Variants in MYO1D observed in about 807,000 individuals in gnomAD.
MYO1D encodes the protein myosin ID.
MYO1D carries 83 observed loss-of-function variants against 122.0 expected under a neutral mutation model. That is an observed-to-expected ratio of 0.68 (90% CI 0.57 to 0.82). The LOEUF is 0.82. Among genes scored for constraint, MYO1D ranks in the 40% least tolerant of loss-of-function variants. MYO1D has a pLI of 0.00. For missense variants in MYO1D, 1,157 were observed against 1,269.5 expected, an observed-to-expected ratio of 0.91 and a Z score of 1.35; for synonymous variants, 464 against 446.9, an observed-to-expected ratio of 1.04 and a Z score of -0.48.
At chr17:32,612,696 C>CAAAAAAAAAAAAAAAAAAAAAA (rs1158470135) in intron 20 of MYO1D, among the ~76,000 whole-genome samples, 3 of 104,566 alleles carry the variant, frequency 2.9e-5, no homozygotes, top group Non-Finnish European at 5.6e-5. Context: ...AAAAAAAAAA[C>CAAAAAAAAAAAAAAAAAAAAAA]AAAAAAAAAA....
intron 16 of MYO1D, among the ~76,000 whole-genome samples, chr17:32,687,537 C>A (rs1464483851): frequency 6.6e-6 from 1 of 152,022 alleles, no homozygotes; most frequent in Non-Finnish European, 1.5e-5. Flanking sequence ...GAGACAGGAT[C>A]TCACCATGTT....
chr17:32,523,590 C>G (rs1281382676), intron 21 of MYO1D, among the ~76,000 whole-genome samples: 1 of 152,060 alleles, frequency 6.6e-6, no homozygotes, highest in African/African-American at 2.4e-5. Context: ...GCCCGAGGAG[C>G]TTTACAATCG....
chr17:32,804,669 C>T (rs2090493998), intron 1 of MYO1D, among the ~76,000 whole-genome samples: 1 of 152,066 alleles, frequency 6.6e-6, no homozygotes, highest in African/African-American at 2.4e-5. Context: ...ATTTTAAATG[C>T]TTCTACATTT....
Position 32,759,088 on chromosome 17 carries a change from T to C in MYO1D, c.1296+1202A>G, listed in dbSNP as rs146689421. Among the ~76,000 whole-genome samples, 253 of 152,288 alleles carry C rather than the reference T, an allele frequency of 1.7e-3. 1 individual carries two copies. Among genetic ancestry groups the C allele is most frequent in the African/African-American group, 5.8e-3 (242 of 41,576 alleles). On this transcript the variant is annotated intron_variant, in intron 10 of 21. Coordinates refer to ENST00000318217, the MANE Select transcript of MYO1D (RefSeq NM_015194.3). ...TTCAGTTATACCGTGTATTATATTATACAACAGTTTCATTCTTAGAAAGCT... is the reference window on the plus strand; with the variant it reads ...TTCAGTTATACCGTGTATTATATTACACAACAGTTTCATTCTTAGAAAGCT...
chr17:32,567,956 G>T (rs113917608), intron 21 of MYO1D, among the ~76,000 whole-genome samples: 5 of 152,278 alleles, frequency 3.3e-5, no homozygotes, highest in South Asian at 2.1e-4. Flanking sequence ...AGATGGCTGG[G>T]AAGTGTGGGT....
chr17:32,572,262 T>C (rs1479684223), intron 21 of MYO1D, among the ~76,000 whole-genome samples: 2 of 152,068 alleles, frequency 1.3e-5, no homozygotes, highest in African/African-American at 4.8e-5. Context: ...GCTATACTTC[T>C]ACACCAGAGG....
At chr17:32,560,223 G>T (rs113186189) in intron 21 of MYO1D, among the ~76,000 whole-genome samples, 1 of 151,882 alleles carries the variant, frequency 6.6e-6, no homozygotes, top group Non-Finnish European at 1.5e-5. Context: ...CCACTGCACT[G>T]CAGCCTGGGC....
chr17:32,519,361 CG>C, intron 21 of MYO1D: 1 of 152,482 alleles, frequency 6.6e-6, no homozygotes, highest in Non-Finnish European at 1.5e-5. Context: ...GGGCGGCTGC[CG>C]GGGAATCCGG....
At chr17:32,631,532 A>G (rs777767067) in intron 20 of MYO1D, among the ~76,000 whole-genome samples, 7 of 152,024 alleles carry the variant, frequency 4.6e-5, no homozygotes, top group Non-Finnish European at 1.0e-4. Context: ...CTGCAGTCCT[A>G]GCTACTTGGA....
intron 21 of MYO1D, among the ~76,000 whole-genome samples, chr17:32,553,108 A>AC (rs2087035085): frequency 6.7e-6 from 1 of 148,844 alleles, no homozygotes; most frequent in Admixed American, 6.7e-5. Flanking sequence ...CAAAACAAAA[A>AC]AAAAAACAAA....
intron 16 of MYO1D, among the ~76,000 whole-genome samples, chr17:32,671,498 TAAA>T: frequency 6.6e-6 from 1 of 152,260 alleles, no homozygotes; most frequent in Non-Finnish European, 1.5e-5. Context: ...AACTTTTCTG[TAAA>T]TCTAAAATTA....
At chr17:32,719,250 G>A (rs1229462961) in intron 15 of MYO1D, among the ~76,000 whole-genome samples, 1 of 151,768 alleles carries the variant, frequency 6.6e-6, no homozygotes, top group Non-Finnish European at 1.5e-5. Context: ...TCCCAAATCT[G>A]TCCACTGCTC....
intron 4 of MYO1D, among the ~76,000 whole-genome samples, chr17:32,774,734 C>T (rs998302335): frequency 6.6e-6 from 1 of 152,158 alleles, no homozygotes; most frequent in Non-Finnish European, 1.5e-5. Context: ...CCTGGCATTT[C>T]CTGTCCTTTT....
chr17:32,825,294 T>C lies in MYO1D; in HGVS notation c.96-44510A>G, dbSNP rs528850813. Among the ~76,000 whole-genome samples the C allele has an allele frequency of 3.3e-5, 5 of 152,216 alleles. No individual in the cohort carries two copies. The East Asian group carries it at 5.8e-4, about 18-fold the overall frequency. ...TCTTTTTCTTTTTTCTTTATCTTAT[T>C]TTATTTTATTTTTTTGACACAGTGT... On this transcript the variant is annotated intron_variant, in intron 1 of 21. Coordinates refer to ENST00000318217, the MANE Select transcript of MYO1D (RefSeq NM_015194.3).
intron 20 of MYO1D, among the ~76,000 whole-genome samples, chr17:32,631,456 G>A (rs1386748448): frequency 6.6e-6 from 1 of 152,112 alleles, no homozygotes; most frequent in African/African-American, 2.4e-5. Context: ...GACCAGCTTG[G>A]GCAACGTGAG....
intron 21 of MYO1D, among the ~76,000 whole-genome samples, chr17:32,538,439 T>A (rs1910726593): frequency 6.6e-6 from 1 of 150,916 alleles, no homozygotes; most frequent in African/African-American, 2.4e-5. Context: ...TATGCAACAC[T>A]GCACCTGGAT....
At chr17:32,822,925 T>C (rs1445099225) in intron 1 of MYO1D, among the ~76,000 whole-genome samples, 1 of 152,134 alleles carries the variant, frequency 6.6e-6, no homozygotes, top group Non-Finnish European at 1.5e-5. Context: ...GGCACATGTA[T>C]ACATATGTAA....
rs118071518 is a variant in MYO1D, at chr17:32,855,433, T to C, written c.95+21345A>G. Among the ~76,000 whole-genome samples, 293 of 152,332 alleles carry C rather than the reference T, an allele frequency of 1.9e-3. 2 individuals are homozygous for C. Among genetic ancestry groups the C allele is most frequent in the Middle Eastern group, 0.01 (3 of 294 alleles). On this transcript the variant is annotated intron_variant, in intron 1 of 21. Coordinates refer to ENST00000318217, the MANE Select transcript of MYO1D (RefSeq NM_015194.3). ...TATAAATGAAAGCATAGAGTACGTA[T>C]TGTTTTCTGTCTGGCTTCTTTTGCT...
intron 1 of MYO1D, among the ~76,000 whole-genome samples, chr17:32,828,736 T>C (rs1394955999): frequency 6.6e-6 from 1 of 152,168 alleles, no homozygotes; most frequent in African/African-American, 2.4e-5. Context: ...GTAGAAAAGC[T>C]AACCTATTTT....
Sources: gnomAD v4.1 joint callset for allele counts (sites outside exome capture counted in the v4.1 genomes callset) on GRCh38, gnomAD v4.1.1 for gene constraint, MANE v1.5 for transcripts, NCBI Gene and HGNC (gene_info 2026-07-23, HGNC 2026-07-21) for gene names.